ADGRV1: variants seen among roughly 807,000 people sequenced by gnomAD.
ADGRV1 encodes G-protein coupled receptor 98.
In ADGRV1, 359 loss-of-function variants were observed where a neutral mutation model predicts 596.2. The ratio of observed to expected loss-of-function variants is 0.60; its 90% confidence interval spans 0.55 to 0.66. The LOEUF is 0.66. Ranked by LOEUF, ADGRV1 falls within the 30% of genes least tolerant of loss-of-function variation. The pLI, the probability that ADGRV1 is intolerant of heterozygous loss-of-function variation, is 0.00. For synonymous variants in ADGRV1, 2,681 were observed against 2,679.2 expected, an observed-to-expected ratio of 1.00 and a Z score of -0.02; for missense variants, 7,274 against 7,575.6, an observed-to-expected ratio of 0.96 and a Z score of 1.48.
At chr5:91,054,712 C>T (rs535757095) in intron 85 of ADGRV1, among the ~76,000 whole-genome samples, 2 of 152,288 alleles carry the variant, frequency 1.3e-5, no homozygotes, top group South Asian at 2.1e-4. Context: ...GGGCTCTGCT[C>T]TCATGACCTA....
chr5:90,835,306 T>C (rs1277748065), intron 77 of ADGRV1, among the ~76,000 whole-genome samples: 2 of 152,256 alleles, frequency 1.3e-5, no homozygotes, highest in Non-Finnish European at 2.9e-5. Flanking sequence ...CTAGAAGTAC[T>C]GCATTGGTGG....
At chr5:91,126,377 T>G (rs1253110981) in intron 87 of ADGRV1, among the ~76,000 whole-genome samples, 1 of 152,236 alleles carries the variant, frequency 6.6e-6, no homozygotes, top group Non-Finnish European at 1.5e-5. Flanking sequence ...AAACAATGTT[T>G]ACATGAAAAG....
rs1443548547 is a variant in ADGRV1, at chr5:90,676,127, C to A, written c.5361C>A (p.Tyr1787Ter). The change falls in exon 25 of 90, where the codon TAC becomes TAA. Residue 1787 changes from tyrosine to a stop codon, truncating the protein, a stop_gained. Transcript: ENST00000405460. LOFTEE classifies it high-confidence loss of function. ...TTCAACCAGGAGAAAGATATAAATA[C>A]ATTTTCATAAACATCACTGATAATT... The part of the protein sequence containing the change: ...LEFQPGERYK[Y>*]IFINITDNSI... 2 of 1,604,028 alleles carry A rather than the reference C, an allele frequency of 1.2e-6. No individual in the cohort carries two copies. Among genetic ancestry groups the A allele is most frequent in the Admixed American group, 1.7e-5 (1 of 59,256 alleles).
chr5:90,680,209 G>A (rs1327705661), intron 26 of ADGRV1, among the ~76,000 whole-genome samples: 2 of 152,052 alleles, frequency 1.3e-5, no homozygotes, highest in Non-Finnish European at 2.9e-5. Flanking sequence ...AATTAGCCAA[G>A]CGTGGTGGCA....
intron 83 of ADGRV1, among the ~76,000 whole-genome samples, chr5:90,945,482 T>A (rs1264881613): frequency 6.6e-6 from 1 of 152,060 alleles, no homozygotes; most frequent in Non-Finnish European, 1.5e-5. Flanking sequence ...GAGACTTCCA[T>A]AGGAGGGCAT....
At chr5:90,877,357 T>G (rs763624826) in intron 83 of ADGRV1, among the ~76,000 whole-genome samples, 29 of 152,154 alleles carry the variant, frequency 1.9e-4, no homozygotes, top group Non-Finnish European at 3.7e-4. Context: ...AAAAGTAGAA[T>G]AGTCGCCAGA....
chr5:90,866,719 T>A (rs76828874), intron 83 of ADGRV1, among the ~76,000 whole-genome samples: 3,513 of 152,180 alleles, frequency 0.023, 116 homozygotes, highest in East Asian at 0.14. Context: ...TTTGAATATA[T>A]CTTTCTACTG....
intron 5 of ADGRV1, 34 bp downstream of exon 5, chr5:90,622,735 A>AT: frequency 1.1e-6 from 1 of 941,372 alleles, no homozygotes; most frequent in East Asian, 3.0e-5. Context: ...TATTTTATTT[A>AT]TTTTTATTTT....
At chr5:90,595,752 C>A in intron 1 of ADGRV1, among the ~76,000 whole-genome samples, 1 of 142,146 alleles carries the variant, frequency 7.0e-6, no homozygotes, top group East Asian at 2.2e-4. Context: ...AGAGGCGCCC[C>A]TCACCTCCCG....
chr5:90,603,663 G>A (rs73179756), intron 1 of ADGRV1, among the ~76,000 whole-genome samples: 6,025 of 152,078 alleles, frequency 0.04, 347 homozygotes, highest in African/African-American at 0.13. Flanking sequence ...CTAGATTGGA[G>A]CCCAAAGCTG....
chr5:90,585,396 A>G (rs1211585783), intron 1 of ADGRV1, among the ~76,000 whole-genome samples: 1 of 152,138 alleles, frequency 6.6e-6, no homozygotes, highest in East Asian at 1.9e-4. Flanking sequence ...AACCCCTTGG[A>G]GAGTATGATT....
At chr5:91,101,840 A>C (rs1190327579) in intron 86 of ADGRV1, among the ~76,000 whole-genome samples, 1 of 152,148 alleles carries the variant, frequency 6.6e-6, no homozygotes, top group African/African-American at 2.4e-5. Context: ...TTCTGTTCTT[A>C]AGTGCCTGGT....
At chr5:91,098,357 C>T (rs897885693) in intron 86 of ADGRV1, among the ~76,000 whole-genome samples, 10 of 151,966 alleles carry the variant, frequency 6.6e-5, no homozygotes, top group Non-Finnish European at 1.5e-4. Flanking sequence ...AAAGGTGCCT[C>T]CTCAGAGGCA....
chr5:90,718,739 C>T (rs1253354089), intron 43 of ADGRV1, among the ~76,000 whole-genome samples: 1 of 151,116 alleles, frequency 6.6e-6, no homozygotes, highest in African/African-American at 2.4e-5. Flanking sequence ...TATTAATTTT[C>T]TATTGCTTTA....
chr5:91,164,025 G>A lies in ADGRV1; in HGVS notation c.*125G>A, dbSNP rs763260322. On this transcript the variant is annotated 3_prime_UTR_variant, in exon 90 of 90. Transcript: ENST00000405460. Reference sequence around the variant, plus strand: ...ATTGTACTGGATGATTAATACAAACGTGATTGTTGTATTTGGAGTATAAAT... The same window carrying A: ...ATTGTACTGGATGATTAATACAAACATGATTGTTGTATTTGGAGTATAAAT... The A allele has an allele frequency of 3.0e-5, 21 of 702,638 alleles. 2 individuals carry two copies. The highest frequency in any genetic ancestry group is 1.9e-4 in the South Asian group (13 of 66,846). 43.5% of individuals were successfully genotyped at this position (702,638 alleles called of 1,614,324 possible).
intron 85 of ADGRV1, among the ~76,000 whole-genome samples, chr5:91,038,059 T>C (rs1165278054): frequency 6.6e-6 from 1 of 152,226 alleles, no homozygotes; most frequent in Admixed American, 6.5e-5. Context: ...TATGCAGATA[T>C]TCCAAAATCT....
chr5:90,781,346 G>A (rs1473849805), intron 64 of ADGRV1, 84 bp from the exon 65 acceptor site: 4 of 1,009,382 alleles, frequency 4.0e-6, no homozygotes, highest in Non-Finnish European at 6.1e-6. Context: ...GGAGCTAAGA[G>A]GATCTTTTAA....
At chr5:91,156,987 CAG>C (rs1401902912) in intron 89 of ADGRV1, among the ~76,000 whole-genome samples, 1 of 152,202 alleles carries the variant, frequency 6.6e-6, no homozygotes. Flanking sequence ...AATCTAGCAA[CAG>C]AGTCTTTGAA....
intron 83 of ADGRV1, among the ~76,000 whole-genome samples, chr5:90,927,422 T>A (rs1364835265): frequency 6.6e-6 from 1 of 152,196 alleles, no homozygotes; most frequent in Non-Finnish European, 1.5e-5. Context: ...CTTTGTTGGT[T>A]TAAAGTCTGT....
Sources: allele counts gnomAD v4.1 joint callset (sites outside exome capture counted in the v4.1 genomes callset), GRCh38; gene constraint gnomAD v4.1.1; transcripts MANE v1.5; gene names NCBI Gene and HGNC (gene_info 2026-07-23, HGNC 2026-07-21).